Variants in ABCG8 observed in about 807,000 individuals in gnomAD.
ABCG8 encodes ATP-binding cassette sub-family G member 8.
In ABCG8, 81 loss-of-function variants were observed where a neutral mutation model predicts 71.3. That is an observed-to-expected ratio of 1.14 (90% CI 0.95 to 1.37). The LOEUF is 1.37. Ranked by LOEUF, ABCG8 falls within the 40% of genes most tolerant of loss-of-function variation. The pLI, the probability that ABCG8 is intolerant of heterozygous loss-of-function variation, is 0.00. For synonymous variants in ABCG8, 451 were observed against 354.7 expected (o/e 1.27, Z -3.05); for missense variants, 1,119 against 866.2 (o/e 1.29, Z -3.66).
At chr2:43,867,345 A>C (rs1669565662) in intron 6 of ABCG8, among the ~76,000 whole-genome samples, 1 of 94,922 alleles carries the variant, frequency 1.1e-5, no homozygotes, top group African/African-American at 4.6e-5. Context: ...TTAAAGTATA[A>C]TTAAAAAAAA....
chr2:43,860,085 A>G (rs1257308999), intron 6 of ABCG8, among the ~76,000 whole-genome samples: 1 of 137,580 alleles, frequency 7.3e-6, no homozygotes, highest in Non-Finnish European at 1.6e-5. Flanking sequence ...CACCCTCTGG[A>G]CAGAACTCTG....
At chr2:43,861,627 CTCTGGATAGAACTCTCACTATCTT>C (rs1333398940) in intron 6 of ABCG8, among the ~76,000 whole-genome samples, 4 of 151,262 alleles carry the variant, frequency 2.6e-5, no homozygotes, top group African/African-American at 9.7e-5. Context: ...AATTCTTACT[CTCTGGATAGAACTCTCACTATCTT>C]TCTGGATAGA....
intron 3 of ABCG8, chr2:43,847,861 A>G (rs909179001): frequency 1.1e-4 from 16 of 151,492 alleles, no homozygotes; most frequent in African/African-American, 3.9e-4. Flanking sequence ...CCTGGGTTCA[A>G]GCGAGTCTCA....
At chr2:43,861,787 T>A (rs1000105206) in intron 6 of ABCG8, among the ~76,000 whole-genome samples, 5 of 150,750 alleles carry the variant, frequency 3.3e-5, no homozygotes, top group Non-Finnish European at 7.4e-5. Context: ...AATTTCACCA[T>A]CTGCATAGAA....
chr2:43,851,748 G>A lies in ABCG8; in HGVS notation c.487G>A (p.Val163Met), dbSNP rs1294106449. 5 of 1,614,136 alleles carry A rather than the reference G, an allele frequency of 3.1e-6. No homozygotes were observed. The highest frequency in any genetic ancestry group is 4.2e-6 in the Non-Finnish European group (5 of 1,180,056). The stretch of plus-strand genomic sequence containing the variant: ...CAACCAGCTGCTCCCCAACTTGACT[G>A]TGCGAGAGACCTTGGCCTTCATTGC... ...QHNQLLPNLT[V>M]RETLAFIAQM... The change falls in exon 4 of 13, where the codon GTG (valine) becomes ATG (methionine). Residue 163 changes from valine to methionine, a missense_variant. Physicochemically the swap from Val to Met is conservative, Grantham distance 21 (BLOSUM62 1). Coordinates refer to ENST00000272286, the MANE Select transcript of ABCG8 (RefSeq NM_022437.3).
chr2:43,865,635 C>T (rs1441998558), intron 6 of ABCG8, among the ~76,000 whole-genome samples: 5 of 147,740 alleles, frequency 3.4e-5, no homozygotes, highest in Admixed American at 3.4e-4. Flanking sequence ...AGAATTCTCC[C>T]TACTGATAGA....
rs1670141007 is a variant in ABCG8, at chr2:43,881,886, CT to C, written c.*3974del. The C allele has an allele frequency of 1.3e-5, 2 of 152,172 alleles. No individual in the cohort carries two copies. Among genetic ancestry groups the C allele is most frequent in the African/African-American group, 4.8e-5 (2 of 41,432 alleles). 9.4% of individuals were successfully genotyped at this position (152,172 alleles called of 1,614,324 possible). A position where few individuals can be genotyped will look rare whatever the true frequency, so the allele number is the denominator to read the frequency against. Reference sequence around the variant, plus strand: ...TGGGACTTCGTGGGCCTTATAGGCTCTGCTGCAATTACTTAACTCTGCTGTT... The same window carrying C: ...TGGGACTTCGTGGGCCTTATAGGCTCGCTGCAATTACTTAACTCTGCTGTT... On this transcript the variant is annotated 3_prime_UTR_variant, in exon 13 of 13. Coordinates refer to ENST00000272286, the MANE Select transcript of ABCG8 (RefSeq NM_022437.3).
chr2:43,868,484 A>G (rs1298526022), intron 6 of ABCG8, among the ~76,000 whole-genome samples: 1 of 152,024 alleles, frequency 6.6e-6, no homozygotes, highest in Admixed American at 6.6e-5. Flanking sequence ...CTCTGGATAG[A>G]AGTCTCATTA....
chr2:43,838,978 G>T lies in ABCG8; in HGVS notation c.-76G>T. 6.8e-7 allele frequency: 1 copy of T among 1,464,730 alleles called. No individual in the cohort carries two copies. Among genetic ancestry groups the T allele is most frequent in the African/African-American group, 1.4e-5 (1 of 71,274 alleles). The allele number at this position is 1,464,730 out of a possible 1,614,324, so 90.7% of individuals were successfully genotyped here. A position where few individuals can be genotyped will look rare whatever the true frequency, so the allele number is the denominator to read the frequency against. ...AGGTGTCCCTGCTCCAGGAAACAGAGTGAAGACACTGGCCCTGGCAGGCAG... is the reference window on the plus strand; with the variant it reads ...AGGTGTCCCTGCTCCAGGAAACAGATTGAAGACACTGGCCCTGGCAGGCAG... On this transcript the variant is annotated 5_prime_UTR_variant, in exon 1 of 13. Transcript: ENST00000272286. The surrounding 1 kb of genome is among the most constrained non-coding windows in gnomAD (Gnocchi z 4.2).
At chr2:43,854,496 G>T (rs1222628800) in intron 6 of ABCG8, among the ~76,000 whole-genome samples, 1 of 151,940 alleles carries the variant, frequency 6.6e-6, no homozygotes, top group Non-Finnish European at 1.5e-5. Flanking sequence ...GGTGCGTGAC[G>T]CTTGCCTATA....
chr2:43,865,626 G>A (rs1669503288), intron 6 of ABCG8, among the ~76,000 whole-genome samples: 1 of 150,842 alleles, frequency 6.6e-6, no homozygotes, highest in African/African-American at 2.4e-5. Flanking sequence ...TATCTGGATA[G>A]AATTCTCCCT....
chr2:43,861,540 C>T (rs930044892), intron 6 of ABCG8, among the ~76,000 whole-genome samples: 2 of 149,154 alleles, frequency 1.3e-5, no homozygotes, highest in South Asian at 4.3e-4. Context: ...ATAGAATTCT[C>T]AGCATCTGGA....
In ABCG8 at chr2:43,874,450, G is replaced by A. The variant is rs746810287; in HGVS notation, c.1455G>A (p.Gly485=). Residue 485 remains glycine, a synonymous_variant, in exon 10 of 13, where the codon GGG becomes GGA. Transcript: ENST00000272286. ...RAMLYYELED[G]LYTTGPYFFA... ...TGCTTTACTATGAACTGGAAGACGG[G>A]CTGTACACCACTGGTCCATATTTCT... The A allele has an allele frequency of 6.8e-6, 11 of 1,613,826 alleles. No homozygotes were observed. Among genetic ancestry groups the A allele is most frequent in the Non-Finnish European group, 9.3e-6 (11 of 1,179,952 alleles).
In ABCG8 at chr2:43,880,655, T is replaced by TGG. The variant is rs1670105445; in HGVS notation, c.*2743_*2744insGG. ...TCAGTGAACAGAGTTAGGGAGTGTG[T>TGG]GTGTGTGTGCGCGCGCGCGCGCGCA... On this transcript the variant is annotated 3_prime_UTR_variant, in exon 13 of 13. Coordinates refer to ENST00000272286, the MANE Select transcript of ABCG8 (RefSeq NM_022437.3). 1 of 152,142 alleles carries TGG rather than the reference T, an allele frequency of 6.6e-6. No individual in the cohort carries two copies. Among genetic ancestry groups the TGG allele is most frequent in the South Asian group, 2.1e-4 (1 of 4,816 alleles). The allele number at this position is 152,142 out of a possible 1,614,324, so 9.4% of individuals were successfully genotyped here.
chr2:43,856,323 A>T (rs1414644584), intron 6 of ABCG8, among the ~76,000 whole-genome samples: 1 of 147,752 alleles, frequency 6.8e-6, no homozygotes, highest in East Asian at 2.1e-4. Context: ...TGTGGATAGA[A>T]CTCTCACTCC....
chr2:43,859,326 T>C (rs1433389726), intron 6 of ABCG8, among the ~76,000 whole-genome samples: 19 of 151,424 alleles, frequency 1.3e-4, no homozygotes, highest in Admixed American at 1.2e-3. Flanking sequence ...GATAGAATTC[T>C]CGCCATCTGC....
rs752517051 is a variant in ABCG8, at chr2:43,873,798, C to A, written c.1223C>A (p.Ser408Tyr). Residue 408 changes from serine (S) to tyrosine (Y), a missense_variant, in exon 9 of 13, where the codon TCC becomes TAC. Coordinates refer to ENST00000272286, the MANE Select transcript of ABCG8 (RefSeq NM_022437.3). ...TTTTGGTTTTTAAGTCGTCAGATTT[C>A]CAACGACTTCCGAGACCTGCCCACC... ...QFTTLIRRQISNDFRDLPTLL... is the reference protein window; with the variant it reads ...QFTTLIRRQIYNDFRDLPTLL... 3 of 1,614,146 alleles carry A rather than the reference C, an allele frequency of 1.9e-6. No individual in the cohort carries two copies. In the East Asian group the frequency reaches 6.7e-5, roughly 36 times the overall value.
chr2:43,851,484 A>G (rs1668912055), intron 3 of ABCG8, 100 bp from the exon 4 acceptor site: 1 of 1,337,352 alleles, frequency 7.5e-7, no homozygotes, highest in South Asian at 1.2e-5. Flanking sequence ...CTGCACGGAC[A>G]GAGTAGTCCG....
intron 10 of ABCG8, 47 bp from the exon 11 acceptor site, chr2:43,875,099 C>T (rs762594577): frequency 6.2e-7 from 1 of 1,613,494 alleles, no homozygotes; most frequent in Non-Finnish European, 8.5e-7. Flanking sequence ...ATAATAATGG[C>T]AGTGAAGGTG....
Sources: gnomAD v4.1 joint callset for allele counts (sites outside exome capture counted in the v4.1 genomes callset) on GRCh38, gnomAD v4.1.1 for gene constraint, Gnocchi (gnomAD v3.1) non-coding constraint, MANE v1.5 for transcripts, NCBI Gene and HGNC (gene_info 2026-07-23, HGNC 2026-07-21) for gene names.